CCDC69: variants seen among roughly 807,000 people sequenced by gnomAD.
CCDC69 encodes coiled-coil domain containing 69, also known as coiled-coil domain-containing protein 69.
CCDC69 carries 38 observed loss-of-function variants against 40.3 expected under a neutral mutation model. The ratio of observed to expected loss-of-function variants is 0.94; its 90% CI spans 0.73 to 1.24. CCDC69 has a LOEUF of 1.24. Ranked by LOEUF, CCDC69 falls within the 50% of genes most tolerant of loss-of-function variation. The probability of loss-of-function intolerance (pLI) is 0.00; values close to 1 mark genes in which losing one functional copy is unlikely to be tolerated. For synonymous variants in CCDC69, 141 were observed against 138.9 expected, an observed-to-expected ratio of 1.02 and a Z score of -0.11; for missense variants, 389 against 357.9, an observed-to-expected ratio of 1.09 and a Z score of -0.70.
intron 3 of CCDC69, among the ~76,000 whole-genome samples, chr5:151,200,468 T>C (rs1239074261): frequency 6.6e-6 from 1 of 152,194 alleles, no homozygotes; most frequent in African/African-American, 2.4e-5. Context: ...TTTCAGAATT[T>C]TGAATATTTA....
chr5:151,198,976 G>A (rs112830646), intron 4 of CCDC69, 21 bp downstream of exon 4: 2 of 1,602,566 alleles, frequency 1.2e-6, no homozygotes, highest in Non-Finnish European at 1.7e-6. Flanking sequence ...ACCTTGGCCA[G>A]TGGAACATCT....
Position 151,184,662 on chromosome 5 carries a change from C to T in CCDC69, c.616-221G>A, listed in dbSNP as rs1252693038. The T allele has an allele frequency of 8.4e-6, 4 of 473,396 alleles. No individual in the cohort carries two copies. In the East Asian group the frequency reaches 1.4e-4, roughly 16 times the overall value. The allele number at this position is 473,396 out of a possible 1,614,324, so 29.3% of individuals were successfully genotyped here. ...GAGAATGGTAAAAAAAAATTACAGG[C>T]CCTACCATCTCATTTCACCATGAGT... On this transcript the variant is annotated intron_variant, in intron 7 of 8. Coordinates refer to ENST00000355417, the MANE Select transcript of CCDC69 (RefSeq NM_015621.3).
intron 4 of CCDC69, among the ~76,000 whole-genome samples, chr5:151,190,533 G>A (rs2113986632): frequency 6.6e-6 from 1 of 152,106 alleles, no homozygotes. Flanking sequence ...GGGCCTGGTG[G>A]TGGGTGCCTG....
chr5:151,201,593 A>G lies in CCDC69; in HGVS notation c.220T>C (p.Trp74Arg). The change falls in exon 3 of 9, where the codon TGG becomes CGG. Residue 74 changes from tryptophan to arginine, a missense_variant. By Grantham distance (101) the Trp-to-Arg change is moderately radical (BLOSUM62 -3). Transcript: ENST00000355417. ...LQQHEEEKKK[W>R]AQQVEKEREL... ...GCACCTGGACTTACCTGTTGTGCCC[A>G]TTTCTTCTTTTCCTCCTCATGTTGC... 2 of 1,612,498 alleles carry G rather than the reference A, an allele frequency of 1.2e-6. No individual in the cohort carries two copies. Among genetic ancestry groups the G allele is most frequent in the Non-Finnish European group, 1.7e-6 (2 of 1,178,904 alleles).
intron 1 of CCDC69, among the ~76,000 whole-genome samples, chr5:151,219,380 C>T (rs569151107): frequency 6.6e-6 from 1 of 152,212 alleles, no homozygotes; most frequent in South Asian, 2.1e-4. Flanking sequence ...CCTTGACCCC[C>T]CCGAGTCCAA....
At chr5:151,194,436 A>T (rs1416195102) in intron 4 of CCDC69, among the ~76,000 whole-genome samples, 1 of 152,252 alleles carries the variant, frequency 6.6e-6, no homozygotes, top group Non-Finnish European at 1.5e-5. Context: ...GTATTATTTC[A>T]TTTATGTAAT....
chr5:151,209,435 C>T (rs1479091062), intron 1 of CCDC69, among the ~76,000 whole-genome samples: 1 of 152,212 alleles, frequency 6.6e-6, no homozygotes, highest in Non-Finnish European at 1.5e-5. Context: ...CTCTTTTCCA[C>T]AAACAGCTTT....
chr5:151,213,940 G>C (rs189726825), intron 1 of CCDC69, among the ~76,000 whole-genome samples: 1 of 152,146 alleles, frequency 6.6e-6, no homozygotes, highest in South Asian at 2.1e-4. Flanking sequence ...GAAGGCTTAC[G>C]GGAACCCAGA....
intron 7 of CCDC69, 94 bp from the exon 8 acceptor site, chr5:151,184,535 T>G: frequency 1.3e-6 from 1 of 768,728 alleles, no homozygotes; most frequent in Non-Finnish European, 2.3e-6. Context: ...CTGAAAGCAC[T>G]GATTCATTCT....
chr5:151,196,160 T>C (rs1172193387), intron 4 of CCDC69, among the ~76,000 whole-genome samples: 2 of 152,170 alleles, frequency 1.3e-5, no homozygotes, highest in African/African-American at 4.8e-5. Flanking sequence ...TGTTGTTTTG[T>C]TTTGTTTTTT....
Position 151,224,039 on chromosome 5 carries a change from C to G in CCDC69, c.-69G>C. The G allele has an allele frequency of 1.5e-6, 2 of 1,361,374 alleles. No individual in the cohort carries two copies. Among genetic ancestry groups the G allele is most frequent in the Non-Finnish European group, 2.0e-6 (2 of 1,013,294 alleles). 84.3% of individuals were successfully genotyped at this position (1,361,374 alleles called of 1,614,324 possible). The stretch of plus-strand genomic sequence containing the variant: ...CCCCAGAGGAGCCTGCGATCCGGGC[C>G]CCGCTGCCCGCTCCGCGCCCGCCGG... On this transcript the variant is annotated 5_prime_UTR_variant, in exon 1 of 9. Coordinates refer to ENST00000355417, the MANE Select transcript of CCDC69 (RefSeq NM_015621.3).
chr5:151,187,709 G>A (rs548554590), intron 4 of CCDC69, among the ~76,000 whole-genome samples: 1 of 152,152 alleles, frequency 6.6e-6, no homozygotes, highest in African/African-American at 2.4e-5. Context: ...ACCAGATTGC[G>A]GGTGCCATCC....
chr5:151,185,529 G>A lies in CCDC69; in HGVS notation c.508C>T (p.Pro170Ser). 6.2e-7 allele frequency: 1 copy of A among 1,613,942 alleles called. No individual in the cohort carries two copies. The highest frequency in any genetic ancestry group is 8.5e-7 in the Non-Finnish European group (1 of 1,179,920). The change falls in exon 7 of 9, where the codon CCC (proline) becomes TCC (serine). Residue 170 changes from proline to serine, a missense_variant. Pro to Ser is a moderately conservative substitution (Grantham distance 74). Coordinates refer to ENST00000355417, the MANE Select transcript of CCDC69 (RefSeq NM_015621.3). ...AGCTCCTGCTCCCAGAACTGGCTGG[G>A]GCTCCCATAATCCTAGACAGGGACA... Reference protein sequence around the residue: ...YKKHIQDYGSPSQFWEQELES... With the variant: ...YKKHIQDYGSSSQFWEQELES...
At position 151,185,429 on chromosome 5, in the gene CCDC69, T is replaced by G. The variant is rs766970841; in HGVS notation, c.608A>C (p.Glu203Ala). The change falls in exon 7 of 9, where the codon GAA (glutamate) becomes GCA (alanine). Residue 203 changes from glutamate (E) to alanine (A), a missense_variant. Glu to Ala is a moderately radical substitution (Grantham distance 107). Transcript: ENST00000355417. ...CCACTCCCAGTCACAGACCACTGTTTCCATGAGGATCAGCCGCCTGTCCAG... is the reference window on the plus strand; with the variant it reads ...CCACTCCCAGTCACAGACCACTGTTGCCATGAGGATCAGCCGCCTGTCCAG... The part of the protein sequence containing the change: ...HELDRRLILM[E>A]TVKEKNLILE... 2 of 1,613,924 alleles carry G rather than the reference T, an allele frequency of 1.2e-6. No individual in the cohort carries two copies. Among genetic ancestry groups the G allele is most frequent in the East Asian group, 2.2e-5 (1 of 44,872 alleles).
intron 1 of CCDC69, among the ~76,000 whole-genome samples, chr5:151,211,644 C>A (rs1049228814): frequency 6.6e-6 from 1 of 151,762 alleles, no homozygotes; most frequent in Non-Finnish European, 1.5e-5. Context: ...CTGCCTCAGC[C>A]TCCAGAGTAG....
rs554718489 is a variant in CCDC69 at position 151,197,521 on chromosome 5, T to TCAAA, written c.319+1472_319+1475dup. 2.0e-4 allele frequency among the ~76,000 whole-genome samples: 30 copies of TCAAA among 151,924 alleles called. No homozygotes were observed. In the South Asian group the frequency reaches 4.4e-3, roughly 22 times the overall value. Reference sequence around the variant, plus strand: ...CTGGGCAACAGAGCGAGACCCTGTCTCAAACAAACAAACAAACAAAACAAA... The same window carrying TCAAA: ...CTGGGCAACAGAGCGAGACCCTGTCTCAAACAAACAAACAAACAAACAAAACAAA... On this transcript the variant is annotated intron_variant, in intron 4 of 8. Coordinates refer to ENST00000355417, the MANE Select transcript of CCDC69 (RefSeq NM_015621.3).
intron 4 of CCDC69, among the ~76,000 whole-genome samples, chr5:151,192,899 T>C (rs988575727): frequency 2.1e-5 from 3 of 142,766 alleles, no homozygotes; most frequent in Admixed American, 1.4e-4. Context: ...TTCAACCAAG[T>C]GTGGATAAAA....
intron 1 of CCDC69, chr5:151,212,912 G>A (rs1178354220): frequency 2.0e-5 from 9 of 456,018 alleles, no homozygotes; most frequent in Non-Finnish European, 3.5e-5. Context: ...ATTGGAGGGT[G>A]GGGAATCGTG....
chr5:151,198,673 A>T (rs562143976), intron 4 of CCDC69, among the ~76,000 whole-genome samples: 1 of 152,328 alleles, frequency 6.6e-6, no homozygotes, highest in South Asian at 2.1e-4. Context: ...CATCGTGGGG[A>T]TGGAATATGT....
Sources: gnomAD v4.1 joint callset for allele counts (sites outside exome capture counted in the v4.1 genomes callset) on GRCh38, gnomAD v4.1.1 for gene constraint, MANE v1.5 for transcripts, NCBI Gene and HGNC (gene_info 2026-07-23, HGNC 2026-07-21) for gene names.